The following ANO6 variants were observed in gnomAD, a reference collection of about 807,000 sequenced individuals.
ANO6 encodes the protein anoctamin 6.
ANO6 carries 106 observed loss-of-function variants against 117.5 expected under a neutral mutation model. The observed-to-expected ratio is 0.90, with a 90% CI of 0.77 to 1.06. ANO6 has a LOEUF of 1.06. Ranked by LOEUF, ANO6 falls within the 50% of genes least tolerant of loss-of-function variation. ANO6 has a pLI of 0.00. For missense variants in ANO6, 955 were observed against 1,121.1 expected (o/e 0.85, Z 2.12); for synonymous variants, 367 against 385.1 (o/e 0.95, Z 0.55).
At chr12:45,420,720 T>C (rs1053305137) in intron 17 of ANO6, among the ~76,000 whole-genome samples, 6 of 152,098 alleles carry the variant, frequency 3.9e-5, no homozygotes, top group African/African-American at 1.4e-4. Flanking sequence ...CTATACAAAC[T>C]ATAACTTCGG....
chr12:45,224,354 G>A (rs1947449721), intron 1 of ANO6, among the ~76,000 whole-genome samples: 1 of 152,086 alleles, frequency 6.6e-6, no homozygotes, highest in Admixed American at 6.6e-5. Context: ...TATTCACGAT[G>A]GCAAGGGGAT....
intron 2 of ANO6, among the ~76,000 whole-genome samples, chr12:45,322,451 C>A (rs11182980): frequency 0.91 from 138,096 of 152,200 alleles, 63,523 homozygotes; most frequent in Non-Finnish European, 0.99. Flanking sequence ...AAAATGTGGC[C>A]TATAATCAGA....
At chr12:45,394,327 G>C (rs1942548374) in intron 12 of ANO6, among the ~76,000 whole-genome samples, 1 of 152,116 alleles carries the variant, frequency 6.6e-6, no homozygotes, top group Non-Finnish European at 1.5e-5. Flanking sequence ...ACCCAATAAA[G>C]GAGCACCCAG....
Position 45,302,042 on chromosome 12 carries a change from C to A in ANO6, c.99C>A (p.Val33=). The A allele has an allele frequency of 6.2e-7, 1 of 1,613,928 alleles. No homozygotes were observed. ...IVLENLGQTI[V]PDLGSLESQH... is the part of the protein sequence containing the mutation. ...TGGAAAACCTTGGACAGACAATTGT[C>A]CCCGATTTGGGATCACTGGAAAGTC... Residue 33 remains valine (V), a synonymous_variant, in exon 2 of 20, where the codon GTC becomes GTA. Coordinates refer to ENST00000320560, the MANE Select transcript of ANO6 (RefSeq NM_001025356.3).
chr12:45,394,218 TTAAAC>T (rs1442278560), intron 12 of ANO6, among the ~76,000 whole-genome samples: 2 of 152,064 alleles, frequency 1.3e-5, no homozygotes, highest in Non-Finnish European at 2.9e-5. Context: ...AAAGCAGACT[TTAAAC>T]CAACAAAGAT....
At chr12:45,346,946 A>G (rs1451227656) in intron 3 of ANO6, 76 bp from the exon 4 acceptor site, 2 of 1,339,984 alleles carry the variant, frequency 1.5e-6, no homozygotes, top group East Asian at 4.6e-5. Flanking sequence ...TTTGTTATTA[A>G]TATTGTTTTA....
intron 9 of ANO6, among the ~76,000 whole-genome samples, chr12:45,372,833 C>A (rs932788775): frequency 3.9e-5 from 6 of 152,116 alleles, no homozygotes; most frequent in African/African-American, 9.7e-5. Flanking sequence ...CTAACATCAT[C>A]ATGACAGGAT....
intron 2 of ANO6, among the ~76,000 whole-genome samples, chr12:45,323,357 A>G (rs1940344558): frequency 6.6e-6 from 1 of 152,214 alleles, no homozygotes; most frequent in Admixed American, 6.5e-5. Flanking sequence ...GTAATAGGGT[A>G]ACACAACACC....
chr12:45,316,051 T>G (rs549512323), intron 2 of ANO6, among the ~76,000 whole-genome samples: 2 of 152,106 alleles, frequency 1.3e-5, no homozygotes, highest in African/African-American at 2.4e-5. Context: ...AAATCAGATT[T>G]ATTTATTTCT....
chr12:45,314,268 TATAA>T (rs1939942214), intron 2 of ANO6, among the ~76,000 whole-genome samples: 1 of 151,922 alleles, frequency 6.6e-6, no homozygotes, highest in African/African-American at 2.4e-5. Context: ...AGTGTGTTTA[TATAA>T]CATTTAAAAG....
intron 1 of ANO6, among the ~76,000 whole-genome samples, chr12:45,232,905 G>C (rs143249169): frequency 6.6e-6 from 1 of 152,158 alleles, no homozygotes; most frequent in Non-Finnish European, 1.5e-5. Context: ...AGCTTGGACC[G>C]CAGCAATTCT....
intron 1 of ANO6, among the ~76,000 whole-genome samples, chr12:45,243,539 G>A (rs937228356): frequency 2.0e-5 from 3 of 151,752 alleles, no homozygotes; most frequent in East Asian, 1.9e-4. Flanking sequence ...GAGATGTTTT[G>A]TGAATAATTT....
At chr12:45,269,400 G>A (rs1229559425) in intron 1 of ANO6, among the ~76,000 whole-genome samples, 1 of 152,212 alleles carries the variant, frequency 6.6e-6, no homozygotes, top group Non-Finnish European at 1.5e-5. Context: ...CCAGTGTGAA[G>A]GCCCAGAGGT....
rs565064874 is a variant in ANO6, at chr12:45,222,185, C to A, written c.70+5794C>A. On this transcript the variant is annotated intron_variant, in intron 1 of 19. Coordinates refer to ENST00000320560, the MANE Select transcript of ANO6 (RefSeq NM_001025356.3). ...CATGAGCCACCACGCCCGGCCCCCC[C>A]ACTCCAGCTCTGTTGCCCAGGCTGG... is the stretch of plus-strand genomic sequence containing the variant. Among the ~76,000 whole-genome samples the A allele has an allele frequency of 5.6e-5, 8 of 142,590 alleles. No homozygotes were observed. In the East Asian group the frequency reaches 1.1e-3, roughly 19 times the overall value. 93.5% of individuals were successfully genotyped at this position (142,590 alleles called of 152,430 possible). A position where few individuals can be genotyped will look rare whatever the true frequency, so the allele number is the denominator to read the frequency against.
At chr12:45,282,430 CAG>C (rs1298495868) in intron 1 of ANO6, among the ~76,000 whole-genome samples, 18 of 152,106 alleles carry the variant, frequency 1.2e-4, no homozygotes, top group African/African-American at 4.1e-4. Flanking sequence ...TGGAGGAAAT[CAG>C]AGAAATGGAA....
chr12:45,394,460 C>G (rs1565746583), intron 12 of ANO6, among the ~76,000 whole-genome samples: 1 of 152,182 alleles, frequency 6.6e-6, no homozygotes, highest in Non-Finnish European at 1.5e-5. Context: ...ACAAGGATAT[C>G]CAGGACCTGA....
At position 45,348,013 on chromosome 12, in the gene ANO6, A is replaced by G; in HGVS notation, c.346-15A>G. The stretch of plus-strand genomic sequence containing the variant: ...AGTTGGTTTCTTGTTCTGCGTTTTT[A>G]TTTTTCCAATATAGGTATTGGATGA... On this transcript the variant is annotated splice_polypyrimidine_tract_variant and intron_variant, in intron 4 of 19. Transcript: ENST00000320560. 6.2e-7 allele frequency: 1 copy of G among 1,611,934 alleles called. No homozygotes were observed. Among genetic ancestry groups the G allele is most frequent in the East Asian group, 2.2e-5 (1 of 44,866 alleles).
chr12:45,245,622 A>C (rs1947813599), intron 1 of ANO6, among the ~76,000 whole-genome samples: 1 of 152,126 alleles, frequency 6.6e-6, no homozygotes, highest in Non-Finnish European at 1.5e-5. Context: ...TGCCTGAATT[A>C]AAATCATTAC....
At chr12:45,398,765 G>C (rs919419641) in intron 12 of ANO6, among the ~76,000 whole-genome samples, 6 of 152,158 alleles carry the variant, frequency 3.9e-5, no homozygotes, top group African/African-American at 1.4e-4. Context: ...TTAAGGGAAG[G>C]ATAAAATATG....
Sources: gnomAD v4.1 joint callset for allele counts (sites outside exome capture counted in the v4.1 genomes callset) on GRCh38, gnomAD v4.1.1 for gene constraint, MANE v1.5 for transcripts, NCBI Gene and HGNC (gene_info 2026-07-23, HGNC 2026-07-21) for gene names.